The following PXDN variants were observed in gnomAD, a reference collection of about 807,000 sequenced individuals.
PXDN encodes the protein peroxidasin, also known as peroxidasin homolog.
A neutral mutation model predicts 140.3 loss-of-function variants in PXDN; 77 were observed. That is an observed-to-expected ratio of 0.55 (90% CI 0.46 to 0.66). The LOEUF is 0.66. Ranked by LOEUF, PXDN falls within the 30% of genes least tolerant of loss-of-function variation. PXDN has a pLI of 0.00. For missense variants in PXDN, 1,838 were observed against 2,039.5 expected (o/e 0.90, Z 1.90); for synonymous variants, 911 against 857.4 (o/e 1.06, Z -1.09).
intron 10 of PXDN, among the ~76,000 whole-genome samples, chr2:1,665,672 T>C (rs1683417921): frequency 6.6e-6 from 1 of 152,262 alleles, no homozygotes; most frequent in African/African-American, 2.4e-5. Context: ...CTATCTCTAA[T>C]ATCATCTCTA....
chr2:1,733,007 C>G (rs981365689), intron 1 of PXDN, among the ~76,000 whole-genome samples: 2 of 152,108 alleles, frequency 1.3e-5, no homozygotes, highest in Non-Finnish European at 2.9e-5. Flanking sequence ...AGACTTGTTA[C>G]TTTCAAGACA....
rs1684195482 is a variant in PXDN at position 1,692,143 on chromosome 2, C to T, written c.273-144G>A. ...CATCAACATTCAACGAACGCTGAAC[C>T]CGCAGGACAAAACACAGCTTTCGCG... On this transcript the variant is annotated intron_variant, in intron 2 of 22. Transcript: ENST00000252804. The T allele has an allele frequency of 2.2e-5, 14 of 647,424 alleles. No individual in the cohort carries two copies. The East Asian group carries it at 3.4e-4, about 16-fold the overall frequency. 40.1% of individuals were successfully genotyped at this position (647,424 alleles called of 1,614,324 possible).
intron 14 of PXDN, among the ~76,000 whole-genome samples, chr2:1,654,722 G>T (rs1016370171): frequency 2.0e-5 from 3 of 152,160 alleles, no homozygotes; most frequent in African/African-American, 4.8e-5. Flanking sequence ...TTGAAATCAT[G>T]TTATACCTAA....
intron 17 of PXDN, among the ~76,000 whole-genome samples, chr2:1,646,783 T>C (rs1458096096): frequency 1.3e-5 from 2 of 152,222 alleles, no homozygotes; most frequent in Non-Finnish European, 2.9e-5. Context: ...TTTAAAACAA[T>C]GTTTTTGAAT....
intron 14 of PXDN, among the ~76,000 whole-genome samples, chr2:1,658,940 C>T (rs1303626655): frequency 6.6e-6 from 1 of 152,194 alleles, no homozygotes; most frequent in Admixed American, 6.5e-5. Context: ...TCACGGACTC[C>T]TCACCATCTG....
At chr2:1,743,694 GGA>G (rs1685607866) in intron 1 of PXDN, among the ~76,000 whole-genome samples, 1 of 92,972 alleles carries the variant, frequency 1.1e-5, no homozygotes, top group African/African-American at 5.6e-5. Flanking sequence ...GGGAGGAGGA[GGA>G]GGAAGGGGAG....
At position 1,744,396 on chromosome 2, in the gene PXDN, G is replaced by C; in HGVS notation, c.60C>G (p.Cys20Trp). The change falls in exon 1 of 23, where the codon TGC becomes TGG. Residue 20 changes from cysteine (C) to tryptophan (W), a missense_variant. Cys to Trp is a radical substitution (Grantham distance 215, BLOSUM62 -2). Around this residue, in one of 5 missense-constraint regions of PXDN, gnomAD observed 231 missense variants for 201.5 expected, o/e 1.15. Transcript: ENST00000252804. Reference sequence around the variant, plus strand: ...CCACCACGGCCAGCGTCCCCCAGGCGCAGAACAGCACGAGCGCCAACAGGC... The same window carrying C: ...CCACCACGGCCAGCGTCCCCCAGGCCCAGAACAGCACGAGCGCCAACAGGC... Reference protein sequence around the residue: ...RRCLLALVLFCAWGTLAVVAQ... With the variant: ...RRCLLALVLFWAWGTLAVVAQ... The C allele has an allele frequency of 6.6e-7, 1 of 1,524,494 alleles. No individual in the cohort carries two copies. The highest frequency in any genetic ancestry group is 8.8e-7 in the Non-Finnish European group (1 of 1,142,642). The allele number at this position is 1,524,494 out of a possible 1,614,324, so 94.4% of individuals were successfully genotyped here.
At position 1,653,785 on chromosome 2, in the gene PXDN, G is replaced by A; in HGVS notation, c.1947C>T (p.Ser649=). 2 of 1,563,952 alleles carry A rather than the reference G, an allele frequency of 1.3e-6. No homozygotes were observed. Among genetic ancestry groups the A allele is most frequent in the South Asian group, 1.2e-5 (1 of 85,098 alleles). Residue 649 remains serine, a splice_region_variant and synonymous_variant, in exon 16 of 23, where the codon AGC becomes AGT. Transcript: ENST00000252804. ...GCAAATCATTTGGAGAACGAGGACG[G>A]CTAACCAGAGTTTAGGGGGAAGAAA... ...INSTRTHLFD[S]RPRSPNDLLA... is the part of the protein sequence containing the mutation.
At chr2:1,698,792 C>T (rs6739349) in intron 1 of PXDN, among the ~76,000 whole-genome samples, 41,830 of 151,950 alleles carry the variant, frequency 0.28, 6,182 homozygotes, top group African/African-American at 0.35. Flanking sequence ...GGAACGTCGA[C>T]GCCAACACAA....
chr2:1,637,570 G>A (rs1273595162), intron 21 of PXDN, among the ~76,000 whole-genome samples: 17 of 150,570 alleles, frequency 1.1e-4, no homozygotes, highest in African/African-American at 3.7e-4. Context: ...CAGCTGCCAG[G>A]CGATGTACAC....
rs1683359096 is a variant in PXDN, at chr2:1,663,611, G to GC, written c.1560dup (p.Pro521AlafsTer56). 6.2e-7 allele frequency: 1 copy of GC among 1,613,832 alleles called. No individual in the cohort carries two copies. Among genetic ancestry groups the GC allele is most frequent in the Non-Finnish European group, 8.5e-7 (1 of 1,179,904 alleles). On this transcript the variant is annotated frameshift_variant, in exon 12 of 23. Coordinates refer to ENST00000252804, the MANE Select transcript of PXDN (RefSeq NM_012293.3). LOFTEE classifies it high-confidence loss of function. ...ACAACCTCCTGGCACCTACCTCTGGGCTGCACAGTCAGGTGGGCCACGACC... is the reference window on the plus strand; with the variant it reads ...ACAACCTCCTGGCACCTACCTCTGGGCCTGCACAGTCAGGTGGGCCACGACC...
chr2:1,659,084 G>A (rs557197965), intron 14 of PXDN, among the ~76,000 whole-genome samples: 8 of 152,294 alleles, frequency 5.3e-5, no homozygotes, highest in South Asian at 4.1e-4. Flanking sequence ...CTGAACGAAC[G>A]ACCAAGTGGC....
Position 1,654,786 on chromosome 2 carries a change from G to C in PXDN, c.1838-278C>G, listed in dbSNP as rs111646669. ...AAGCATGGAAGATCTTACGCTATAT[G>C]CAACAGCATGTGGGAGGTGTGGACT... On this transcript the variant is annotated intron_variant, in intron 14 of 22. Transcript: ENST00000252804. 3.3e-3 allele frequency among the ~76,000 whole-genome samples: 499 copies of C among 152,302 alleles called. 4 individuals carry two copies. The highest frequency in any genetic ancestry group is 0.015 in the South Asian group (72 of 4,822).
intron 14 of PXDN, among the ~76,000 whole-genome samples, chr2:1,657,113 A>G (rs1158350160): frequency 8.1e-6 from 1 of 122,754 alleles, no homozygotes; most frequent in African/African-American, 3.2e-5. Flanking sequence ...AGGGACCCGA[A>G]CTCTTTAAAC....
intron 1 of PXDN, among the ~76,000 whole-genome samples, chr2:1,727,651 C>G (rs2125486898): frequency 6.6e-6 from 1 of 152,320 alleles, no homozygotes; most frequent in Non-Finnish European, 1.5e-5. Flanking sequence ...ACAGTCTCCA[C>G]CGTGTCACAC....
intron 14 of PXDN, among the ~76,000 whole-genome samples, chr2:1,656,710 C>T (rs1439533751): frequency 4.0e-5 from 6 of 151,300 alleles, no homozygotes; most frequent in Non-Finnish European, 4.4e-5. Flanking sequence ...CCCGCCCCCA[C>T]CTGACTGAAA....
chr2:1,693,112 T>C lies in PXDN; in HGVS notation c.223A>G (p.Arg75Gly), dbSNP rs1447523850. 1.3e-6 allele frequency: 2 copies of C among 1,557,986 alleles called. No homozygotes were observed. Among genetic ancestry groups the C allele is most frequent in the Admixed American group, 1.9e-5 (1 of 51,730 alleles). ...CTGAATGCCCCAGGTTGGATCTCTC[T>C]GATTCTGTTAAAGCGAAGATCTCTG... ...SILDLRFNRI[R>G]EIQPGAFRRL... The change falls in exon 2 of 23, where the codon AGA becomes GGA. Residue 75 changes from arginine to glycine, a missense_variant. Around this residue, in one of 5 missense-constraint regions of PXDN, gnomAD observed 231 missense variants for 201.5 expected, o/e 1.15. Transcript: ENST00000252804.
chr2:1,646,340 T>A (rs1682850283), intron 17 of PXDN, among the ~76,000 whole-genome samples: 1 of 152,196 alleles, frequency 6.6e-6, no homozygotes, highest in Admixed American at 6.5e-5. Context: ...CATCTAGCTC[T>A]TTTGAAATGT....
At chr2:1,732,553 T>C (rs916400298) in intron 1 of PXDN, among the ~76,000 whole-genome samples, 1 of 152,216 alleles carries the variant, frequency 6.6e-6, no homozygotes, top group Admixed American at 6.5e-5. Context: ...CTTGCCTCAG[T>C]TGTTGAAAAC....
Sources: gnomAD v4.1 joint callset for allele counts (sites outside exome capture counted in the v4.1 genomes callset) on GRCh38, gnomAD v4.1.1 for gene constraint, gnomAD v4.1.1 regional missense constraint, MANE v1.5 for transcripts, NCBI Gene and HGNC (gene_info 2026-07-23, HGNC 2026-07-21) for gene names.